Variants in NALCN observed in about 807,000 individuals in gnomAD.
NALCN encodes sodium leak channel NALCN.
NALCN carries 111 observed loss-of-function variants against 225.3 expected under a neutral mutation model. The ratio of observed to expected loss-of-function variants is 0.49; its 90% confidence interval spans 0.42 to 0.58. The LOEUF is 0.58. NALCN is among the 20% of genes least tolerant of loss of function. The probability of loss-of-function intolerance (pLI) is 0.00; values close to 1 mark genes in which losing one functional copy is unlikely to be tolerated. For missense variants in NALCN, 1,378 were observed against 2,202.4 expected (o/e 0.63, Z 7.49); for synonymous variants, 764 against 769.0 (o/e 0.99, Z 0.11).
At chr13:101,397,170 T>C (rs2047333910) in intron 2 of NALCN, among the ~76,000 whole-genome samples, 1 of 147,964 alleles carries the variant, frequency 6.8e-6, no homozygotes, top group Non-Finnish European at 1.5e-5. Context: ...TGTATGTATA[T>C]ATTATGTTTC....
At chr13:101,208,619 G>C (rs1022497486) in intron 13 of NALCN, among the ~76,000 whole-genome samples, 5 of 152,200 alleles carry the variant, frequency 3.3e-5, no homozygotes, top group African/African-American at 1.2e-4. Context: ...GTGATCCCCA[G>C]TGTTGGAGGT....
At chr13:101,196,187 G>A (rs1419348184) in intron 13 of NALCN, among the ~76,000 whole-genome samples, 5 of 151,830 alleles carry the variant, frequency 3.3e-5, no homozygotes, top group Non-Finnish European at 7.4e-5. Flanking sequence ...TCTTTGGTTT[G>A]GTTTTGTTTT....
chr13:101,368,118 G>A (rs1004093147), intron 6 of NALCN, among the ~76,000 whole-genome samples: 1 of 150,054 alleles, frequency 6.7e-6, no homozygotes, highest in Admixed American at 6.6e-5. Context: ...TCATCATTTA[G>A]CATTAGGTAT....
chr13:101,185,788 A>G (rs2039424478), intron 14 of NALCN, among the ~76,000 whole-genome samples: 1 of 152,234 alleles, frequency 6.6e-6, no homozygotes. Context: ...TGCTTGGCAC[A>G]TGCCTGTCCC....
Position 101,396,298 on chromosome 13 carries a change from C to T in NALCN, c.109-933G>A, listed in dbSNP as rs183485802. Among the ~76,000 whole-genome samples the T allele has an allele frequency of 4.5e-3, 687 of 152,118 alleles. 8 individuals carry two copies. The highest frequency in any genetic ancestry group is 0.016 in the African/African-American group (653 of 41,508). ...TACTTAACTGCATCTCCATGCTAAA[C>T]CCACCACAATTAATATTACCAGTTA... On this transcript the variant is annotated intron_variant, in intron 2 of 43. Coordinates refer to ENST00000251127, the MANE Select transcript of NALCN (RefSeq NM_052867.4).
chr13:101,143,005 T>C, intron 17 of NALCN, 75 bp downstream of exon 17: 1 of 1,559,672 alleles, frequency 6.4e-7, no homozygotes, highest in Non-Finnish European at 8.8e-7. Context: ...TCCAGGACCC[T>C]AAAGAACTCT....
rs376645444 is a variant in NALCN at position 101,144,711 on chromosome 13, A to G, written c.1976+49T>C. ...GGTTAAATCAGATTTAAGATGATGAATCTTTTACAATATATGTGAAATATG... is the reference window on the plus strand; with the variant it reads ...GGTTAAATCAGATTTAAGATGATGAGTCTTTTACAATATATGTGAAATATG... On this transcript the variant is annotated intron_variant, in intron 16 of 43. Transcript: ENST00000251127. 5 of 1,570,554 alleles carry G rather than the reference A, an allele frequency of 3.2e-6. No homozygotes were observed. In the African/African-American group the frequency reaches 5.5e-5, roughly 17 times the overall value.
At chr13:101,307,900 T>C (rs2044206099) in intron 7 of NALCN, among the ~76,000 whole-genome samples, 1 of 152,182 alleles carries the variant, frequency 6.6e-6, no homozygotes, top group Non-Finnish European at 1.5e-5. Context: ...ATTTTAATTA[T>C]TTTCACTAAT....
intron 14 of NALCN, among the ~76,000 whole-genome samples, chr13:101,186,724 A>C (rs2139985979): frequency 6.6e-6 from 1 of 152,330 alleles, no homozygotes; most frequent in South Asian, 2.1e-4. Flanking sequence ...TCAAATAAAT[A>C]TTCTAAACCT....
chr13:101,340,767 C>A (rs2045533281), intron 7 of NALCN, among the ~76,000 whole-genome samples: 1 of 152,116 alleles, frequency 6.6e-6, no homozygotes. Flanking sequence ...CATGCTACAG[C>A]AAATAGCATA....
chr13:101,236,420 C>G (rs1047148374), intron 12 of NALCN, among the ~76,000 whole-genome samples: 1 of 152,044 alleles, frequency 6.6e-6, no homozygotes, highest in African/African-American at 2.4e-5. Context: ...TGGGTATATA[C>G]CCAAAGGACT....
At chr13:101,298,918 G>A (rs1316365101) in intron 7 of NALCN, among the ~76,000 whole-genome samples, 2 of 152,200 alleles carry the variant, frequency 1.3e-5, no homozygotes, top group Non-Finnish European at 1.5e-5. Flanking sequence ...TGATTCTTCA[G>A]CTTTTGCCCT....
intron 6 of NALCN, among the ~76,000 whole-genome samples, chr13:101,372,373 A>G (rs2046564639): frequency 6.6e-6 from 1 of 152,168 alleles, no homozygotes; most frequent in African/African-American, 2.4e-5. Flanking sequence ...TAGATATTAT[A>G]CTCAAAAACT....
At chr13:101,313,892 C>G (rs978366856) in intron 7 of NALCN, among the ~76,000 whole-genome samples, 5 of 151,990 alleles carry the variant, frequency 3.3e-5, no homozygotes, top group Non-Finnish European at 7.4e-5. Flanking sequence ...TTCACAATAG[C>G]AAAGACTTGG....
chr13:101,168,088 C>T (rs1408810892), intron 15 of NALCN, among the ~76,000 whole-genome samples: 1 of 152,136 alleles, frequency 6.6e-6, no homozygotes, highest in Non-Finnish European at 1.5e-5. Context: ...TCTTGAAACT[C>T]TTTCACCTTT....
intron 11 of NALCN, among the ~76,000 whole-genome samples, chr13:101,253,028 A>G (rs1028779116): frequency 6.6e-6 from 1 of 152,092 alleles, no homozygotes; most frequent in Admixed American, 6.6e-5. Flanking sequence ...AGAAAATAAT[A>G]TATATTTTAA....
At chr13:101,368,889 C>A in intron 6 of NALCN, 1 of 210,962 alleles carries the variant, frequency 4.7e-6, no homozygotes, top group Non-Finnish European at 1.0e-5. Context: ...GCCTGTAGTC[C>A]CAGCTACTTG....
chr13:101,208,090 A>T (rs1266466980), intron 13 of NALCN, among the ~76,000 whole-genome samples: 1 of 149,078 alleles, frequency 6.7e-6, no homozygotes, highest in Non-Finnish European at 1.5e-5. Flanking sequence ...AACTCCCAAC[A>T]GGAGGAACGA....
intron 15 of NALCN, among the ~76,000 whole-genome samples, chr13:101,153,091 T>G (rs2037732737): frequency 6.6e-6 from 1 of 152,086 alleles, no homozygotes; most frequent in African/African-American, 2.4e-5. Context: ...AGAGATAGCA[T>G]AAGTAAAAAC....
Sources: gnomAD v4.1 joint callset for allele counts (sites outside exome capture counted in the v4.1 genomes callset) on GRCh38, gnomAD v4.1.1 for gene constraint, MANE v1.5 for transcripts, NCBI Gene and HGNC (gene_info 2026-07-23, HGNC 2026-07-21) for gene names.